The following MIA3 variants were observed in gnomAD, a reference collection of about 807,000 sequenced individuals.
MIA3 encodes the protein MIA SH3 domain ER export factor 3.
A neutral mutation model predicts 192.4 loss-of-function variants in MIA3; 90 were observed. That is an observed-to-expected ratio of 0.47 (90% CI 0.39 to 0.56). The LOEUF (loss-of-function observed/expected upper bound fraction) is 0.56. Among genes scored for constraint, MIA3 ranks in the 20% least tolerant of loss-of-function variants. MIA3 has a pLI of 0.00. For missense variants in MIA3, 2,123 were observed against 2,269.4 expected, an observed-to-expected ratio of 0.94 and a Z score of 1.31; for synonymous variants, 740 against 792.8, an observed-to-expected ratio of 0.93 and a Z score of 1.12.
At chr1:222,653,741 C>A (rs996019929) in intron 15 of MIA3, among the ~76,000 whole-genome samples, 3 of 152,170 alleles carry the variant, frequency 2.0e-5, no homozygotes, top group Non-Finnish European at 4.4e-5. Context: ...GAGGCATAAA[C>A]TGACTAAGGC....
At position 222,627,698 on chromosome 1, in the gene MIA3, A is replaced by G. The variant is rs759669732; in HGVS notation, c.478A>G (p.Lys160Glu). The change falls in exon 4 of 28, where the codon AAA becomes GAA. Residue 160 changes from lysine (K) to glutamate (E), a missense_variant. By Grantham distance (56) the Lys-to-Glu change is moderately conservative (BLOSUM62 1). This residue lies in a region of MIA3 where 1,357 missense variants were observed against 1,396.1 expected (regional missense o/e 0.97). Transcript: ENST00000344922. ...AATDSEKAVE[K>E]TLQDMEKNPE... ...TACAGATTCTGAGAAAGCTGTAGAAAAAACTTTACAGGATATGGAAAAAAA... is the reference window on the plus strand; with the variant it reads ...TACAGATTCTGAGAAAGCTGTAGAAGAAACTTTACAGGATATGGAAAAAAA... 1.2e-6 allele frequency: 2 copies of G among 1,613,848 alleles called. No homozygotes were observed. Among genetic ancestry groups the G allele is most frequent in the Admixed American group, 1.7e-5 (1 of 59,942 alleles).
chr1:222,663,240 TC>T (rs899548482), intron 26 of MIA3, among the ~76,000 whole-genome samples: 1 of 152,206 alleles, frequency 6.6e-6, no homozygotes, highest in Admixed American at 6.5e-5. Context: ...ACTTCCAAGT[TC>T]CAGCACAGGA....
chr1:222,644,322 A>T, intron 6 of MIA3: 1 of 1,452,048 alleles, frequency 6.9e-7, no homozygotes, highest in African/African-American at 1.4e-5. Flanking sequence ...TATAGGCGGC[A>T]TAAAGCGAAA....
intron 1 of MIA3, 126 bp from the exon 2 acceptor site, chr1:222,621,033 A>G (rs1661828764): frequency 4.2e-6 from 3 of 708,944 alleles, no homozygotes; most frequent in South Asian, 4.5e-5. Context: ...AAGAAATTCC[A>G]GAGAGTACTG....
intron 2 of MIA3, 134 bp from the exon 3 acceptor site, chr1:222,624,634 G>T: frequency 1.7e-6 from 1 of 587,040 alleles, no homozygotes; most frequent in South Asian, 1.7e-5. Context: ...AAATAGCGGA[G>T]AAAAGTAATG....
At chr1:222,621,546 GTAT>G (rs1420752091) in intron 2 of MIA3, among the ~76,000 whole-genome samples, 1 of 152,136 alleles carries the variant, frequency 6.6e-6, no homozygotes, top group Non-Finnish European at 1.5e-5. Flanking sequence ...TGCTGCATAC[GTAT>G]TAGAGGTTGA....
chr1:222,662,042 A>G lies in MIA3; in HGVS notation c.5114-14A>G. The G allele has an allele frequency of 6.2e-7, 1 of 1,609,234 alleles. No homozygotes were observed. The highest frequency in any genetic ancestry group is 2.2e-5 in the East Asian group (1 of 44,874). Reference sequence around the variant, plus strand: ...AAAAAATACATATAAGGACTCTGTTATTTCTTTCTCAAGGATCAGTGGACG... The same window carrying G: ...AAAAAATACATATAAGGACTCTGTTGTTTCTTTCTCAAGGATCAGTGGACG... On this transcript the variant is annotated splice_polypyrimidine_tract_variant and intron_variant, in intron 24 of 27. Coordinates refer to ENST00000344922, the MANE Select transcript of MIA3 (RefSeq NM_198551.4).
intron 7 of MIA3, chr1:222,645,904 T>C (rs1460456990): frequency 2.5e-6 from 1 of 400,990 alleles, no homozygotes; most frequent in Non-Finnish European, 4.4e-6. Flanking sequence ...TTTATATGTC[T>C]CATATCAAAG....
intron 6 of MIA3, among the ~76,000 whole-genome samples, chr1:222,642,412 T>C (rs950435359): frequency 1.3e-5 from 2 of 152,248 alleles, no homozygotes; most frequent in African/African-American, 2.4e-5. Context: ...TTTTCTTTTA[T>C]AGCTTCACAG....
At chr1:222,636,259 T>G (rs1662618676) in intron 6 of MIA3, among the ~76,000 whole-genome samples, 1 of 152,216 alleles carries the variant, frequency 6.6e-6, no homozygotes, top group Admixed American at 6.5e-5. Context: ...TGAGCACTTT[T>G]TCACTGCTTA....
intron 2 of MIA3, among the ~76,000 whole-genome samples, chr1:222,622,339 G>C (rs1003733104): frequency 1.3e-5 from 2 of 152,198 alleles, no homozygotes; most frequent in Non-Finnish European, 2.9e-5. Context: ...TTTTTAGAAA[G>C]CGTGATATGT....
At chr1:222,646,666 C>G (rs893973774) in intron 7 of MIA3, among the ~76,000 whole-genome samples, 1 of 152,010 alleles carries the variant, frequency 6.6e-6, no homozygotes, top group African/African-American at 2.4e-5. Context: ...GCAGGAGAAT[C>G]GCTTGAACTG....
chr1:222,658,634 G>A (rs989507504), intron 18 of MIA3, 88 bp from the exon 19 acceptor site: 2 of 871,952 alleles, frequency 2.3e-6, no homozygotes, highest in African/African-American at 3.4e-5. Context: ...TTAAGAATAG[G>A]ATAGGAAGTG....
At chr1:222,618,651 C>A (rs1661722244) in intron 1 of MIA3, among the ~76,000 whole-genome samples, 1 of 152,012 alleles carries the variant, frequency 6.6e-6, no homozygotes, top group African/African-American at 2.4e-5. Flanking sequence ...CGTCTGGGCT[C>A]CCCACGCCGC....
At chr1:222,658,859 A>C in intron 19 of MIA3, 36 bp downstream of exon 19, 2 of 1,426,416 alleles carry the variant, frequency 1.4e-6, no homozygotes, top group Non-Finnish European at 2.0e-6. Context: ...TCAGTGGCTA[A>C]TGAAACTAGT....
At chr1:222,657,763 A>T (rs1663811904) in intron 18 of MIA3, among the ~76,000 whole-genome samples, 1 of 152,204 alleles carries the variant, frequency 6.6e-6, no homozygotes, top group Admixed American at 6.5e-5. Context: ...CCATACCTTT[A>T]TCTTAGTCTC....
chr1:222,629,804 C>A lies in MIA3; in HGVS notation c.2584C>A (p.Leu862Met), dbSNP rs748561305. 4 of 1,613,914 alleles carry A rather than the reference C, an allele frequency of 2.5e-6. No individual in the cohort carries two copies. In the African/African-American group the frequency reaches 5.3e-5, roughly 22 times the overall value. Residue 862 changes from leucine (L) to methionine (M), a missense_variant, in exon 4 of 28, where the codon CTG (leucine) becomes ATG (methionine). Physicochemically the swap from Leu to Met is conservative, Grantham distance 15 (BLOSUM62 2). Coordinates refer to ENST00000344922, the MANE Select transcript of MIA3 (RefSeq NM_198551.4). ...YLKNDNPEEH[L>M]KTSGLAGEPE... The stretch of plus-strand genomic sequence containing the variant: ...GAAGAACGACAACCCTGAGGAACAT[C>A]TGAAGACCTCAGGGCTTGCAGGGGA...
At chr1:222,655,963 C>CTTT (rs71175179) in intron 18 of MIA3, among the ~76,000 whole-genome samples, 6 of 89,942 alleles carry the variant, frequency 6.7e-5, no homozygotes, top group East Asian at 7.8e-4. Flanking sequence ...CTTTCTTTCC[C>CTTT]TTTTTTTTTT....
At chr1:222,645,900 T>G (rs1351878143) in intron 7 of MIA3, 1 of 414,868 alleles carries the variant, frequency 2.4e-6, no homozygotes, top group Non-Finnish European at 4.2e-6. Context: ...TCAGTTTATA[T>G]GTCTCATATC....
Sources: allele counts gnomAD v4.1 joint callset (sites outside exome capture counted in the v4.1 genomes callset), GRCh38; gene constraint gnomAD v4.1.1; regional missense constraint gnomAD v4.1.1; transcripts MANE v1.5; gene names NCBI Gene and HGNC (gene_info 2026-07-23, HGNC 2026-07-21).